PRKD1: variants seen among roughly 807,000 people sequenced by gnomAD.
PRKD1 encodes the protein protein kinase D1.
A neutral mutation model predicts 95.9 loss-of-function variants in PRKD1; 63 were observed. The ratio of observed to expected loss-of-function variants is 0.66; its 90% confidence interval spans 0.54 to 0.81. The LOEUF (loss-of-function observed/expected upper bound fraction) is 0.81. PRKD1 is among the 30% of genes least tolerant of loss of function. PRKD1 has a pLI of 0.00. For synonymous variants in PRKD1, 425 were observed against 423.1 expected (o/e 1.00, Z -0.05); for missense variants, 1,048 against 1,165.3 (o/e 0.90, Z 1.47).
intron 2 of PRKD1, among the ~76,000 whole-genome samples, chr14:29,672,380 T>C (rs57919279): frequency 0.022 from 3,289 of 151,298 alleles, 109 homozygotes; most frequent in African/African-American, 0.071. Context: ...ATAAAATAAT[T>C]AACAATTAGT....
chr14:29,723,535 T>C lies in PRKD1; in HGVS notation c.403+2001A>G, dbSNP rs192041123. ...TTGTAATACAAAGGGGTGGGATGGT[T>C]TAAAAAACTATTGTAAACATAAACA... On this transcript the variant is annotated intron_variant, in intron 2 of 17. Coordinates refer to ENST00000331968, the MANE Select transcript of PRKD1 (RefSeq NM_002742.3). Among the ~76,000 whole-genome samples, 766 of 152,196 alleles carry C rather than the reference T, an allele frequency of 5.0e-3. 3 individuals carry two copies. The highest frequency in any genetic ancestry group is 8.5e-3 in the Non-Finnish European group (581 of 67,994).
At chr14:29,639,882 A>G (rs1482923813) in intron 4 of PRKD1, among the ~76,000 whole-genome samples, 1 of 152,142 alleles carries the variant, frequency 6.6e-6, no homozygotes, top group Admixed American at 6.5e-5. Context: ...AGCCCAGTAT[A>G]TAGATTTTTA....
intron 1 of PRKD1, among the ~76,000 whole-genome samples, chr14:29,924,464 G>A (rs890082204): frequency 2.0e-5 from 3 of 152,114 alleles, no homozygotes; most frequent in African/African-American, 7.2e-5. Flanking sequence ...TCATCCCAAA[G>A]GAAATGTCCT....
At chr14:29,926,645 G>T (rs1566675746) in intron 1 of PRKD1, among the ~76,000 whole-genome samples, 1 of 152,130 alleles carries the variant, frequency 6.6e-6, no homozygotes, top group Non-Finnish European at 1.5e-5. Context: ...AAAATAGGAA[G>T]GTCGCAACTT....
chr14:29,605,075 A>T (rs547456882), intron 13 of PRKD1, among the ~76,000 whole-genome samples: 28 of 152,088 alleles, frequency 1.8e-4, no homozygotes, highest in Admixed American at 6.6e-4. Context: ...CATCTCTCAC[A>T]CTGACCCCTT....
intron 1 of PRKD1, among the ~76,000 whole-genome samples, chr14:29,826,635 G>A (rs1455993026): frequency 1.5e-4 from 14 of 93,610 alleles, no homozygotes; most frequent in African/African-American, 5.7e-4. Flanking sequence ...ACATATATAT[G>A]TGTGTGTGTA....
intron 1 of PRKD1, among the ~76,000 whole-genome samples, chr14:29,830,459 A>C (rs1891357952): frequency 6.6e-6 from 1 of 152,194 alleles, no homozygotes; most frequent in East Asian, 1.9e-4. Flanking sequence ...CTAAGAATTA[A>C]GTCAGGTCTA....
At chr14:29,803,012 C>T (rs904078623) in intron 1 of PRKD1, among the ~76,000 whole-genome samples, 26 of 152,194 alleles carry the variant, frequency 1.7e-4, no homozygotes, top group Admixed American at 1.7e-3. Flanking sequence ...GAACCAGAAA[C>T]TGCATTTCAA....
chr14:29,719,003 T>C (rs1286971833), intron 2 of PRKD1, among the ~76,000 whole-genome samples: 2 of 151,930 alleles, frequency 1.3e-5, no homozygotes, highest in Non-Finnish European at 2.9e-5. Context: ...CAAATTAATA[T>C]AATATTATAT....
chr14:29,615,704 G>A (rs890537650), intron 13 of PRKD1, among the ~76,000 whole-genome samples: 5 of 152,136 alleles, frequency 3.3e-5, no homozygotes, highest in African/African-American at 1.2e-4. Context: ...ACATCTTAAA[G>A]GGTTTTATTC....
intron 2 of PRKD1, among the ~76,000 whole-genome samples, chr14:29,692,634 T>C (rs544543052): frequency 1.3e-5 from 2 of 152,174 alleles, no homozygotes; most frequent in African/African-American, 4.8e-5. Context: ...TTTGAATGTG[T>C]ATTACAGGAA....
At chr14:29,620,080 T>C (rs1039806467) in intron 13 of PRKD1, among the ~76,000 whole-genome samples, 1 of 151,842 alleles carries the variant, frequency 6.6e-6, no homozygotes, top group African/African-American at 2.4e-5. Context: ...GGGAAAGGAT[T>C]CCCTATTTAA....
intron 10 of PRKD1, among the ~76,000 whole-genome samples, chr14:29,630,025 T>G (rs562245258): frequency 3.3e-5 from 5 of 150,596 alleles, no homozygotes; most frequent in East Asian, 2.0e-4. Context: ...TTCTTCTGCT[T>G]CTTCTTCTTC....
At chr14:29,605,012 C>T (rs1401024068) in intron 13 of PRKD1, among the ~76,000 whole-genome samples, 1 of 152,158 alleles carries the variant, frequency 6.6e-6, no homozygotes, top group African/African-American at 2.4e-5. Context: ...GCTAACTTCT[C>T]TTTCACTTCC....
rs574503244 is a variant in PRKD1 at position 29,826,626 on chromosome 14, CAT to C, written c.264+100621_264+100622del. On this transcript the variant is annotated intron_variant, in intron 1 of 17. Coordinates refer to ENST00000331968, the MANE Select transcript of PRKD1 (RefSeq NM_002742.3). The stretch of plus-strand genomic sequence containing the variant: ...ACATATATACATACATATACACACA[CAT>C]ATATATGTGTGTGTGTATATATATG... Among the ~76,000 whole-genome samples the C allele has an allele frequency of 1.6e-3, 191 of 117,424 alleles. 5 individuals carry two copies. The highest frequency in any genetic ancestry group is 3.2e-3 in the African/African-American group (95 of 29,878). The allele number at this position is 117,424 out of a possible 152,430, so 77.0% of individuals were successfully genotyped here.
chr14:29,848,012 T>A (rs1232891314), intron 1 of PRKD1, among the ~76,000 whole-genome samples: 1 of 152,150 alleles, frequency 6.6e-6, no homozygotes, highest in Non-Finnish European at 1.5e-5. Flanking sequence ...GGAACTCTGA[T>A]GTCTATTGAA....
At chr14:29,738,556 G>GT (rs1297146274) in intron 1 of PRKD1, among the ~76,000 whole-genome samples, 1 of 152,144 alleles carries the variant, frequency 6.6e-6, no homozygotes, top group Non-Finnish European at 1.5e-5. Flanking sequence ...TTTTCATAAA[G>GT]TATTACTTAA....
At chr14:29,600,154 A>C (rs1327091209) in intron 13 of PRKD1, among the ~76,000 whole-genome samples, 6 of 152,294 alleles carry the variant, frequency 3.9e-5, no homozygotes. Context: ...ATATTGTCCT[A>C]ACTAAGCATA....
At chr14:29,691,656 CAAAAGTAA>C (rs1884245678) in intron 2 of PRKD1, among the ~76,000 whole-genome samples, 1 of 152,036 alleles carries the variant, frequency 6.6e-6, no homozygotes, top group Non-Finnish European at 1.5e-5. Flanking sequence ...CAGGTTGGTG[CAAAAGTAA>C]AACCACAATT....
Sources: allele counts gnomAD v4.1 joint callset (sites outside exome capture counted in the v4.1 genomes callset), GRCh38; gene constraint gnomAD v4.1.1; transcripts MANE v1.5; gene names NCBI Gene and HGNC (gene_info 2026-07-23, HGNC 2026-07-21).